The following DYRK2 variants were observed in gnomAD, a reference collection of about 807,000 sequenced individuals.
DYRK2 encodes the protein dual specificity tyrosine-phosphorylation-regulated kinase 2.
In DYRK2, 12 loss-of-function variants were observed where a neutral mutation model predicts 41.6. The observed-to-expected ratio is 0.29, with a 90% CI of 0.18 to 0.47. The LOEUF (loss-of-function observed/expected upper bound fraction) is 0.47, where lower values mean the gene tolerates loss of function less well. Ranked by LOEUF, DYRK2 falls within the 20% of genes least tolerant of loss-of-function variation. The pLI is 1.00. For synonymous variants in DYRK2, 322 were observed against 315.7 expected (o/e 1.02, Z -0.21); for missense variants, 678 against 798.4 (o/e 0.85, Z 1.82).
intron 2 of DYRK2, among the ~76,000 whole-genome samples, chr12:67,653,735 T>G (rs1392495317): frequency 6.6e-6 from 1 of 152,212 alleles, no homozygotes. Context: ...AAGGAGGATC[T>G]ATTGGCATGT....
At position 67,664,653 on chromosome 12, in the gene DYRK2, A is replaced by G. The variant is rs1037635996; in HGVS notation, c.*5940A>G. The G allele has an allele frequency of 8.5e-5, 13 of 152,314 alleles. No homozygotes were observed. The highest frequency in any genetic ancestry group is 2.6e-4 in the African/African-American group (11 of 41,572). 9.4% of individuals were successfully genotyped at this position (152,314 alleles called of 1,614,324 possible). The stretch of plus-strand genomic sequence containing the variant: ...GACAGTAAGGGAAAATCCATAATAC[A>G]TAAAACACAAAAGTTTAGAAAGGGG... On this transcript the variant is annotated 3_prime_UTR_variant, in exon 3 of 3. Coordinates refer to ENST00000344096, the MANE Select transcript of DYRK2 (RefSeq NM_006482.3).
chr12:67,649,055 C>T lies in DYRK2; in HGVS notation c.-79C>T. 2 of 1,268,842 alleles carry T rather than the reference C, an allele frequency of 1.6e-6. No individual in the cohort carries two copies. Among genetic ancestry groups the T allele is most frequent in the Non-Finnish European group, 1.0e-6 (1 of 965,880 alleles). 78.6% of individuals were successfully genotyped at this position (1,268,842 alleles called of 1,614,324 possible). On this transcript the variant is annotated 5_prime_UTR_variant, in exon 1 of 3. Transcript: ENST00000344096. The stretch of plus-strand genomic sequence containing the variant: ...CGCGCGAGGGGCGGCCGGGAGGCGG[C>T]GGCGGCGGCCGCCAGAAGTAGCAGC...
At chr12:67,650,837 AG>A (rs1872301930) in intron 2 of DYRK2, among the ~76,000 whole-genome samples, 1 of 152,174 alleles carries the variant, frequency 6.6e-6, no homozygotes, top group African/African-American at 2.4e-5. Flanking sequence ...GATTTTCCAC[AG>A]GAACAGCCTA....
rs762225112 is a variant in DYRK2, at chr12:67,657,667, C to T, written c.760C>T (p.Arg254Trp). ...VHQHVALKMV[R>W]NEKRFHRQAA... Reference sequence around the variant, plus strand: ...CCAGCACGTGGCCCTAAAGATGGTGCGGAATGAGAAGCGCTTCCACCGGCA... The same window carrying T: ...CCAGCACGTGGCCCTAAAGATGGTGTGGAATGAGAAGCGCTTCCACCGGCA... Residue 254 changes from arginine (R) to tryptophan (W), a missense_variant, in exon 3 of 3, where the codon CGG (arginine) becomes TGG (tryptophan). By Grantham distance (101) the Arg-to-Trp change is moderately radical. Transcript: ENST00000344096. The surrounding 1 kb of genome is among the most constrained non-coding windows in gnomAD (Gnocchi z 4.8). 4 of 1,613,550 alleles carry T rather than the reference C, an allele frequency of 2.5e-6. No homozygotes were observed. Among genetic ancestry groups the T allele is most frequent in the Non-Finnish European group, 3.4e-6 (4 of 1,179,824 alleles).
At chr12:67,655,700 A>G (rs1872448888) in intron 2 of DYRK2, among the ~76,000 whole-genome samples, 1 of 152,216 alleles carries the variant, frequency 6.6e-6, no homozygotes, top group Non-Finnish European at 1.5e-5. Flanking sequence ...CTCACACTCC[A>G]CATAGTCATT....
Position 67,649,047 on chromosome 12 carries a change from G to A in DYRK2, c.-87G>A, listed in dbSNP as rs1872220483. 8.3e-7 allele frequency: 1 copy of A among 1,203,772 alleles called. No homozygotes were observed. Among genetic ancestry groups the A allele is most frequent in the Admixed American group, 3.7e-5 (1 of 27,362 alleles). 74.6% of individuals were successfully genotyped at this position (1,203,772 alleles called of 1,614,324 possible). On this transcript the variant is annotated 5_prime_UTR_variant, in exon 1 of 3. Transcript: ENST00000344096. ...CGGGGACCCGCGCGAGGGGCGGCCG[G>A]GAGGCGGCGGCGGCGGCCGCCAGAA...
chr12:67,656,822 C>T (rs374889931), intron 2 of DYRK2, among the ~76,000 whole-genome samples: 2 of 152,018 alleles, frequency 1.3e-5, no homozygotes, highest in Non-Finnish European at 2.9e-5. Context: ...AGTGGAACAC[C>T]TATGATGTGC....
intron 2 of DYRK2, among the ~76,000 whole-genome samples, chr12:67,651,297 C>T (rs985848195): frequency 6.6e-6 from 1 of 152,108 alleles, no homozygotes; most frequent in African/African-American, 2.4e-5. Context: ...TTGGGATCAT[C>T]TGACAATTTG....
chr12:67,652,251 A>T (rs972180722), intron 2 of DYRK2, among the ~76,000 whole-genome samples: 5 of 152,068 alleles, frequency 3.3e-5, no homozygotes, highest in African/African-American at 4.8e-5. Context: ...TGTTTGTGTG[A>T]GAGAGAGAAG....
At chr12:67,649,254 G>C (rs967574940) in intron 1 of DYRK2, 72 bp downstream of exon 1, 141 of 1,205,218 alleles carry the variant, frequency 1.2e-4, no homozygotes, top group Middle Eastern at 2.4e-4. Context: ...TGGCGCGGGC[G>C]GCCGCTGCCT....
In DYRK2 at chr12:67,663,395, C is replaced by G. The variant is rs1177110964; in HGVS notation, c.*4682C>G. The G allele has an allele frequency of 6.6e-6, 1 of 152,110 alleles. No individual in the cohort carries two copies. The highest frequency in any genetic ancestry group is 1.9e-4 in the East Asian group (1 of 5,198). The allele number at this position is 152,110 out of a possible 1,614,324, so 9.4% of individuals were successfully genotyped here. A position where few individuals can be genotyped will look rare whatever the true frequency, so the allele number is the denominator to read the frequency against. The stretch of plus-strand genomic sequence containing the variant: ...TACCCTCTTGTGGAAAGAACTACCT[C>G]ACATCATTATTTATTTCCCTTCTGT... On this transcript the variant is annotated 3_prime_UTR_variant, in exon 3 of 3. Coordinates refer to ENST00000344096, the MANE Select transcript of DYRK2 (RefSeq NM_006482.3).
intron 2 of DYRK2, among the ~76,000 whole-genome samples, chr12:67,656,858 T>G (rs1044168507): frequency 6.6e-6 from 1 of 152,168 alleles, no homozygotes; most frequent in South Asian, 2.1e-4. Context: ...GTGTTAGATA[T>G]AGAATGATAA....
In DYRK2 at chr12:67,660,836, T is replaced by A. The variant is rs1294304979; in HGVS notation, c.*2123T>A. 1 of 166,916 alleles carries A rather than the reference T, an allele frequency of 6.0e-6. No homozygotes were observed. The highest frequency in any genetic ancestry group is 1.5e-5 in the Non-Finnish European group (1 of 68,112). The allele number at this position is 166,916 out of a possible 1,614,324, so 10.3% of individuals were successfully genotyped here. ...TCAATAAAAACATATAATGCTGTTT[T>A]GCTCTTCTAATGCTCCTCTTCCATT... On this transcript the variant is annotated 3_prime_UTR_variant, in exon 3 of 3. Transcript: ENST00000344096.
intron 1 of DYRK2, 41 bp from the exon 2 acceptor site, chr12:67,649,756 C>T (rs778388363): frequency 2.3e-6 from 3 of 1,309,806 alleles, no homozygotes; most frequent in South Asian, 3.1e-5. Flanking sequence ...GACTTTCTCC[C>T]CCCTGACCCT....
intron 2 of DYRK2, among the ~76,000 whole-genome samples, 200 bp downstream of exon 2, chr12:67,650,145 C>G (rs1433671842): frequency 1.3e-5 from 2 of 152,256 alleles, no homozygotes; most frequent in Admixed American, 6.5e-5. Flanking sequence ...AAGGAAGATT[C>G]GTGGCGTGGG....
In DYRK2 at chr12:67,665,001, A is replaced by C. The variant is rs1349881017; in HGVS notation, c.*6288A>C. Reference sequence around the variant, plus strand: ...AGGGATTAAAAGTTAAATTTTACTGACTGTAGCAGCAGGTAAATCTCTTAA... The same window carrying C: ...AGGGATTAAAAGTTAAATTTTACTGCCTGTAGCAGCAGGTAAATCTCTTAA... On this transcript the variant is annotated 3_prime_UTR_variant, in exon 3 of 3. Coordinates refer to ENST00000344096, the MANE Select transcript of DYRK2 (RefSeq NM_006482.3). The C allele has an allele frequency of 6.6e-6, 1 of 152,172 alleles. No homozygotes were observed. Among genetic ancestry groups the C allele is most frequent in the South Asian group, 2.1e-4 (1 of 4,834 alleles). The allele number at this position is 152,172 out of a possible 1,614,324, so 9.4% of individuals were successfully genotyped here. A position where few individuals can be genotyped will look rare whatever the true frequency, so the allele number is the denominator to read the frequency against.
intron 2 of DYRK2, among the ~76,000 whole-genome samples, chr12:67,650,624 C>T (rs902273792): frequency 1.3e-5 from 2 of 152,196 alleles, no homozygotes; most frequent in African/African-American, 4.8e-5. Context: ...AGAAAAAGCA[C>T]CTAACAGGTG....
In DYRK2 at chr12:67,658,127, G is replaced by C; in HGVS notation, c.1220G>C (p.Ser407Thr). ...TATGGCATGCCCATTGATATGTGGAGCCTGGGCTGCATTTTAGCAGAGCTC... is the reference window on the plus strand; with the variant it reads ...TATGGCATGCCCATTGATATGTGGACCCTGGGCTGCATTTTAGCAGAGCTC... The part of the protein sequence containing the change: ...ARYGMPIDMW[S>T]LGCILAELLT... Residue 407 changes from serine (S) to threonine (T), a missense_variant, in exon 3 of 3, where the codon AGC becomes ACC. Coordinates refer to ENST00000344096, the MANE Select transcript of DYRK2 (RefSeq NM_006482.3). This position sits in a 1 kb window ranked among gnomAD's most constrained non-coding sequence, Gnocchi z 4.3. The C allele has an allele frequency of 6.2e-7, 1 of 1,614,190 alleles. No homozygotes were observed. Among genetic ancestry groups the C allele is most frequent in the Non-Finnish European group, 8.5e-7 (1 of 1,180,014 alleles).
chr12:67,652,447 T>C (rs1872348162), intron 2 of DYRK2: 1 of 152,312 alleles, frequency 6.6e-6, no homozygotes, highest in Non-Finnish European at 1.5e-5. Flanking sequence ...ATACACATTT[T>C]AAAAAATGGC....
Sources: allele counts gnomAD v4.1 joint callset (sites outside exome capture counted in the v4.1 genomes callset), GRCh38; gene constraint gnomAD v4.1.1; non-coding constraint Gnocchi (gnomAD v3.1); transcripts MANE v1.5; gene names NCBI Gene and HGNC (gene_info 2026-07-23, HGNC 2026-07-21).